The following GAB2 variants were observed in gnomAD, a reference collection of about 807,000 sequenced individuals.
GAB2 encodes GRB2-associated-binding protein 2.
In GAB2, 26 loss-of-function variants were observed where a neutral mutation model predicts 65.5. The ratio of observed to expected loss-of-function variants is 0.40; its 90% CI spans 0.29 to 0.55. The LOEUF is 0.55. GAB2 is among the 20% of genes least tolerant of loss of function. GAB2 has a pLI of 0.53. For missense variants in GAB2, 884 were observed against 875.8 expected (o/e 1.01, Z -0.12); for synonymous variants, 321 against 329.6 (o/e 0.97, Z 0.28).
intron 1 of GAB2, among the ~76,000 whole-genome samples, chr11:78,327,856 T>C (rs1254009495): frequency 1.3e-5 from 2 of 152,212 alleles, no homozygotes; most frequent in East Asian, 1.9e-4. Context: ...CTCTAGAAGA[T>C]GGATATAATA....
intron 1 of GAB2, among the ~76,000 whole-genome samples, chr11:78,389,553 C>A (rs186194747): frequency 4.4e-4 from 67 of 152,274 alleles, no homozygotes; most frequent in African/African-American, 1.4e-3. Flanking sequence ...GGTGATCCAC[C>A]CACCTCGGCT....
At chr11:78,344,515 A>G (rs1856149274) in intron 1 of GAB2, among the ~76,000 whole-genome samples, 1 of 152,264 alleles carries the variant, frequency 6.6e-6, no homozygotes, top group African/African-American at 2.4e-5. Context: ...TTGCAGGCTT[A>G]ATATCATCAA....
chr11:78,413,516 CTGG>C (rs1303001379), intron 1 of GAB2, among the ~76,000 whole-genome samples: 16 of 152,232 alleles, frequency 1.1e-4, no homozygotes, highest in African/African-American at 3.9e-4. Flanking sequence ...CTGGGTATCG[CTGG>C]TGCCTTTGTC....
At chr11:78,290,354 T>C (rs1866625712) in intron 1 of GAB2, among the ~76,000 whole-genome samples, 1 of 152,172 alleles carries the variant, frequency 6.6e-6, no homozygotes, top group Admixed American at 6.5e-5. Context: ...GAAGTGACTG[T>C]TTTCCTTCTG....
At chr11:78,302,153 C>T (rs1204732734) in intron 1 of GAB2, among the ~76,000 whole-genome samples, 1 of 152,100 alleles carries the variant, frequency 6.6e-6, no homozygotes. Flanking sequence ...TGACCATGAA[C>T]CCAAAAGCAC....
intron 1 of GAB2, among the ~76,000 whole-genome samples, chr11:78,291,638 C>T (rs184284839): frequency 4.9e-4 from 59 of 119,294 alleles, no homozygotes; most frequent in Non-Finnish European, 8.0e-4. Flanking sequence ...GTGGCGCAAA[C>T]ATGGCTCACT....
At chr11:78,311,667 C>G (rs896319337) in intron 1 of GAB2, among the ~76,000 whole-genome samples, 6 of 152,166 alleles carry the variant, frequency 3.9e-5, no homozygotes, top group African/African-American at 1.4e-4. Flanking sequence ...GTTGGTACTG[C>G]TTATTATATT....
intron 1 of GAB2, among the ~76,000 whole-genome samples, chr11:78,401,893 T>A (rs1316955917): frequency 6.6e-6 from 1 of 152,186 alleles, no homozygotes; most frequent in Non-Finnish European, 1.5e-5. Flanking sequence ...AATAATCCAG[T>A]GATTAGGACC....
intron 2 of GAB2, among the ~76,000 whole-genome samples, chr11:78,255,402 C>T (rs1865569248): frequency 6.6e-6 from 1 of 152,088 alleles, no homozygotes; most frequent in African/African-American, 2.4e-5. Flanking sequence ...CAATATATAC[C>T]ATAAAACCTA....
chr11:78,292,194 C>T (rs986980066), intron 1 of GAB2, among the ~76,000 whole-genome samples: 1 of 152,234 alleles, frequency 6.6e-6, no homozygotes, highest in Non-Finnish European at 1.5e-5. Context: ...ATAAACCTCA[C>T]TTCATAGGAT....
At chr11:78,308,932 A>C (rs1855429401) in intron 1 of GAB2, among the ~76,000 whole-genome samples, 1 of 152,210 alleles carries the variant, frequency 6.6e-6, no homozygotes, top group African/African-American at 2.4e-5. Flanking sequence ...TTGAAGACAT[A>C]GTTGGAAACA....
At chr11:78,361,693 CATT>C (rs1325687993) in intron 1 of GAB2, among the ~76,000 whole-genome samples, 11 of 152,140 alleles carry the variant, frequency 7.2e-5, no homozygotes, top group African/African-American at 2.7e-4. Flanking sequence ...ACTTTTCTCT[CATT>C]AGACTGGCAA....
intron 1 of GAB2, among the ~76,000 whole-genome samples, chr11:78,305,171 T>G (rs1239296231): frequency 6.6e-6 from 1 of 152,170 alleles, no homozygotes; most frequent in Non-Finnish European, 1.5e-5. Context: ...TCATAATCAT[T>G]TTACAGATCA....
chr11:78,268,683 C>A (rs1392986214), intron 2 of GAB2, among the ~76,000 whole-genome samples: 1 of 148,520 alleles, frequency 6.7e-6, no homozygotes, highest in Non-Finnish European at 1.5e-5. Context: ...GCAGGTAACA[C>A]TAGACTATCT....
chr11:78,215,423 C>G lies in GAB2; in HGVS notation c.*3849G>C, dbSNP rs1864071206. 6.6e-6 allele frequency: 1 copy of G among 152,572 alleles called. No homozygotes were observed. Among genetic ancestry groups the G allele is most frequent in the Middle Eastern group, 3.4e-3 (1 of 294 alleles). 9.5% of individuals were successfully genotyped at this position (152,572 alleles called of 1,614,324 possible). On this transcript the variant is annotated 3_prime_UTR_variant, in exon 10 of 10. Coordinates refer to ENST00000361507, the MANE Select transcript of GAB2 (RefSeq NM_080491.3). ...TGACCCACTTGAACACACTCCTGTCCCACCCACCGGATAAATATGTTACAA... is the reference window on the plus strand; with the variant it reads ...TGACCCACTTGAACACACTCCTGTCGCACCCACCGGATAAATATGTTACAA...
chr11:78,362,197 A>G (rs915631429), intron 1 of GAB2, among the ~76,000 whole-genome samples: 22 of 152,126 alleles, frequency 1.4e-4, no homozygotes, highest in African/African-American at 5.1e-4. Context: ...AACATATCTA[A>G]TATGTTAACA....
chr11:78,361,022 T>C (rs1165433811), intron 1 of GAB2, among the ~76,000 whole-genome samples: 3 of 152,224 alleles, frequency 2.0e-5, no homozygotes, highest in Non-Finnish European at 4.4e-5. Context: ...CGTATTGCTA[T>C]ATATATTTTA....
At chr11:78,387,158 T>C (rs1474721226) in intron 1 of GAB2, among the ~76,000 whole-genome samples, 2 of 152,192 alleles carry the variant, frequency 1.3e-5, no homozygotes, top group African/African-American at 2.4e-5. Context: ...CCTTCTACTT[T>C]AGATTCCGTG....
intron 1 of GAB2, chr11:78,388,064 C>CA (rs1554998048): frequency 6.7e-6 from 1 of 148,686 alleles, no homozygotes; most frequent in African/African-American, 2.5e-5. Flanking sequence ...TTTTTTTAGA[C>CA]AGAGTCCAGG....
Sources: allele counts gnomAD v4.1 joint callset (sites outside exome capture counted in the v4.1 genomes callset), GRCh38; gene constraint gnomAD v4.1.1; transcripts MANE v1.5; gene names NCBI Gene and HGNC (gene_info 2026-07-23, HGNC 2026-07-21).